WNT3A: variants seen among roughly 807,000 people sequenced by gnomAD.
WNT3A encodes the protein Wnt family member 3A.
A neutral mutation model predicts 37.0 loss-of-function variants in WNT3A; 17 were observed. The ratio of observed to expected loss-of-function variants is 0.46; its 90% CI spans 0.31 to 0.69. The LOEUF (loss-of-function observed/expected upper bound fraction) is 0.69, where lower values mean the gene tolerates loss of function less well. Ranked by LOEUF, WNT3A falls within the 30% of genes least tolerant of loss-of-function variation. The pLI is 0.05. For synonymous variants in WNT3A, 187 were observed against 211.0 expected, an observed-to-expected ratio of 0.89 and a Z score of 0.99; for missense variants, 411 against 510.2, an observed-to-expected ratio of 0.81 and a Z score of 1.87.
chr1:228,032,948 T>C lies in WNT3A; in HGVS notation c.313+10040T>C, dbSNP rs138562863. On this transcript the variant is annotated intron_variant, in intron 2 of 3. Coordinates refer to ENST00000284523, the MANE Select transcript of WNT3A (RefSeq NM_033131.4). ...TCTAAGGATGTTGAGCATCTTTTCA[T>C]GTGCTCATTGGCCATTTGCCTCTCT... Among the ~76,000 whole-genome samples the C allele has an allele frequency of 2.3e-4, 35 of 152,356 alleles. No homozygotes were observed. The East Asian group carries it at 6.5e-3, about 29-fold the overall frequency.
intron 1 of WNT3A, among the ~76,000 whole-genome samples, chr1:228,010,729 T>C (rs2030345457): frequency 6.6e-6 from 1 of 152,228 alleles, no homozygotes; most frequent in African/African-American, 2.4e-5. Context: ...GTGTCCAGCC[T>C]TTTGCCTGCC....
At chr1:228,011,861 T>A (rs1044090231) in intron 1 of WNT3A, among the ~76,000 whole-genome samples, 2 of 151,958 alleles carry the variant, frequency 1.3e-5, no homozygotes, top group African/African-American at 4.8e-5. Flanking sequence ...CGGTCAGGAG[T>A]GGCCACACGT....
At position 228,059,216 on chromosome 1, in the gene WNT3A, C is replaced by T; in HGVS notation, c.810C>T (p.Asp270=). Residue 270 remains aspartate (D), a synonymous_variant, in exon 4 of 4, where the codon GAC becomes GAT. Transcript: ENST00000284523. ...YTYFKVPTER[D]LVYYEASPNF... ...ACTTCAAGGTGCCCACGGAGCGCGA[C>T]CTGGTCTACTACGAGGCCTCGCCCA... 6.2e-7 allele frequency: 1 copy of T among 1,611,640 alleles called. No individual in the cohort carries two copies. The highest frequency in any genetic ancestry group is 8.5e-7 in the Non-Finnish European group (1 of 1,179,678).
At position 228,058,421 on chromosome 1, in the gene WNT3A, T is replaced by C. The variant is rs117181951; in HGVS notation, c.580-565T>C. On this transcript the variant is annotated intron_variant, in intron 3 of 3. Coordinates refer to ENST00000284523, the MANE Select transcript of WNT3A (RefSeq NM_033131.4). ...AAGAAGCTGAGTTCTACACTGCCCA[T>C]AGGGGAAACCGTTCGCTCCTCAGCG... 2.6e-3 allele frequency among the ~76,000 whole-genome samples: 390 copies of C among 152,334 alleles called. 8 individuals are homozygous for C. The East Asian group carries it at 0.044, about 17-fold the overall frequency.
At chr1:228,022,323 CT>C (rs1188404940) in intron 1 of WNT3A, among the ~76,000 whole-genome samples, 1 of 152,038 alleles carries the variant, frequency 6.6e-6, no homozygotes, top group East Asian at 1.9e-4. Context: ...TTAGCTGGCT[CT>C]GGTGGTGTGT....
rs1378246119 is a variant in WNT3A at position 228,060,577 on chromosome 1, C to A, written c.*1112C>A. On this transcript the variant is annotated 3_prime_UTR_variant, in exon 4 of 4. Transcript: ENST00000284523. ...AAAGAGGCCCGCCCTGCCCGGGCTC[C>A]CACACCGTCAGGTACTCCTGCCAGG... 2 of 255,610 alleles carry A rather than the reference C, an allele frequency of 7.8e-6. No individual in the cohort carries two copies. The highest frequency in any genetic ancestry group is 1.6e-5 in the Non-Finnish European group (2 of 125,520). The allele number at this position is 255,610 out of a possible 1,614,324, so 15.8% of individuals were successfully genotyped here. A position where few individuals can be genotyped will look rare whatever the true frequency, so the allele number is the denominator to read the frequency against.
At chr1:228,036,495 C>A (rs1394243943) in intron 2 of WNT3A, among the ~76,000 whole-genome samples, 1 of 152,176 alleles carries the variant, frequency 6.6e-6, no homozygotes, top group Non-Finnish European at 1.5e-5. Context: ...GGACTGGGGC[C>A]ACCAGACTGA....
intron 1 of WNT3A, 108 bp from the exon 2 acceptor site, chr1:228,022,559 G>C (rs542904144): frequency 2.9e-6 from 4 of 1,356,544 alleles, no homozygotes; most frequent in Admixed American, 2.4e-5. Flanking sequence ...TGGAAGCTGC[G>C]TCTCGCCCCC....
intron 2 of WNT3A, among the ~76,000 whole-genome samples, chr1:228,027,688 T>C (rs1199493459): frequency 1.3e-5 from 2 of 152,244 alleles, no homozygotes; most frequent in African/African-American, 4.8e-5. Context: ...TTGTCAAATG[T>C]ATGCTTTGTG....
rs1178988623 is a variant in WNT3A, at chr1:228,031,471, C to T, written c.313+8563C>T. On this transcript the variant is annotated intron_variant, in intron 2 of 3. Coordinates refer to ENST00000284523, the MANE Select transcript of WNT3A (RefSeq NM_033131.4). The surrounding 1 kb of genome is among the most constrained non-coding windows in gnomAD (Gnocchi z 4.8). ...CAGGTCCCAGGGCCGTGCAGCTCATCGAGCGTGTCCAAGGGTGTGTGTGGC... is the reference window on the plus strand; with the variant it reads ...CAGGTCCCAGGGCCGTGCAGCTCATTGAGCGTGTCCAAGGGTGTGTGTGGC... Among the ~76,000 whole-genome samples, 5 of 152,198 alleles carry T rather than the reference C, an allele frequency of 3.3e-5. No individual in the cohort carries two copies. Among genetic ancestry groups the T allele is most frequent in the African/African-American group, 9.6e-5 (4 of 41,520 alleles).
chr1:228,059,684 A>C lies in WNT3A; in HGVS notation c.*219A>C. ...CTCTCTGGTGGCTGGGCTGCTCCTG[A>C]ATGAGGCGGAGCTCCAGGATGGGGA... On this transcript the variant is annotated 3_prime_UTR_variant, in exon 4 of 4. Coordinates refer to ENST00000284523, the MANE Select transcript of WNT3A (RefSeq NM_033131.4). The C allele has an allele frequency of 7.4e-7, 1 of 1,344,562 alleles. No individual in the cohort carries two copies. The highest frequency in any genetic ancestry group is 9.5e-7 in the Non-Finnish European group (1 of 1,055,284). The allele number at this position is 1,344,562 out of a possible 1,614,324, so 83.3% of individuals were successfully genotyped here. A position where few individuals can be genotyped will look rare whatever the true frequency, so the allele number is the denominator to read the frequency against.
chr1:228,007,960 C>G lies in WNT3A; in HGVS notation c.71+761C>G, dbSNP rs1482077288. On this transcript the variant is annotated intron_variant, in intron 1 of 3. Coordinates refer to ENST00000284523, the MANE Select transcript of WNT3A (RefSeq NM_033131.4). This position sits in a 1 kb window ranked among gnomAD's most constrained non-coding sequence, Gnocchi z 6.0. The stretch of plus-strand genomic sequence containing the variant: ...TGCGCCCTCCACACCAGAAAAGGCG[C>G]GTTCCGTGAGACCCTCCCCAGCCTG... 1.3e-5 allele frequency among the ~76,000 whole-genome samples: 2 copies of G among 152,206 alleles called. No homozygotes were observed. Among genetic ancestry groups the G allele is most frequent in the East Asian group, 1.9e-4 (1 of 5,176 alleles).
chr1:228,017,818 T>C (rs1332288134), intron 1 of WNT3A, among the ~76,000 whole-genome samples: 6 of 152,258 alleles, frequency 3.9e-5, no homozygotes, highest in Non-Finnish European at 7.3e-5. Flanking sequence ...GGTGGCAGCC[T>C]GGCCTTCAGA....
chr1:228,023,151 C>T (rs1035319374), intron 2 of WNT3A, among the ~76,000 whole-genome samples: 1 of 152,248 alleles, frequency 6.6e-6, no homozygotes, highest in African/African-American at 2.4e-5. Context: ...TCTAAGGTGA[C>T]TCCAACCATG....
At chr1:228,019,144 T>C (rs1033226558) in intron 1 of WNT3A, among the ~76,000 whole-genome samples, 1 of 152,180 alleles carries the variant, frequency 6.6e-6, no homozygotes, top group Non-Finnish European at 1.5e-5. Flanking sequence ...ACTGGCTGAC[T>C]CAGCACCCTG....
rs1252931216 is a variant in WNT3A at position 228,031,105 on chromosome 1, G to GTGTTCTTCAGGCGTGTTCTTCA, written c.313+8197_313+8198insTGTTCTTCAGGCGTGTTCTTCA. On this transcript the variant is annotated intron_variant, in intron 2 of 3. Transcript: ENST00000284523. This position sits in a 1 kb window ranked among gnomAD's most constrained non-coding sequence, Gnocchi z 4.8. ...ATGGCCACGCCCCAGCCCTCATCACGGGCCTGTGTTCTTCAGGCGTGGGGA... is the reference window on the plus strand; with the variant it reads ...ATGGCCACGCCCCAGCCCTCATCACGTGTTCTTCAGGCGTGTTCTTCAGGCCTGTGTTCTTCAGGCGTGGGGA... 7.9e-5 allele frequency among the ~76,000 whole-genome samples: 12 copies of GTGTTCTTCAGGCGTGTTCTTCA among 152,328 alleles called. No individual in the cohort carries two copies. In the East Asian group the frequency reaches 2.1e-3, roughly 27 times the overall value.
chr1:228,059,828 C>G lies in WNT3A; in HGVS notation c.*363C>G, dbSNP rs1571819815. The G allele has an allele frequency of 9.2e-7, 1 of 1,083,984 alleles. No homozygotes were observed. The highest frequency in any genetic ancestry group is 6.9e-5 in the East Asian group (1 of 14,402). 67.1% of individuals were successfully genotyped at this position (1,083,984 alleles called of 1,614,324 possible). On this transcript the variant is annotated 3_prime_UTR_variant, in exon 4 of 4. Transcript: ENST00000284523. ...CTTCTCCTGCGGGGGCGAGGCCCCT[C>G]CCAGTAAGGGCGTGGCTCTGGGTGG...
Position 228,059,276 on chromosome 1 carries a change from C to A in WNT3A, c.870C>A (p.Phe290Leu). Residue 290 changes from phenylalanine to leucine, a missense_variant, in exon 4 of 4, where the codon TTC (phenylalanine) becomes TTA (leucine). Coordinates refer to ENST00000284523, the MANE Select transcript of WNT3A (RefSeq NM_033131.4). The part of the protein sequence containing the change: ...FCEPNPETGS[F>L]GTRDRTCNVS... ...AGCCCAACCCTGAGACGGGCTCCTT[C>A]GGCACGCGCGACCGCACCTGCAACG... 6.3e-7 allele frequency: 1 copy of A among 1,597,084 alleles called. No individual in the cohort carries two copies.
intron 2 of WNT3A, among the ~76,000 whole-genome samples, chr1:228,048,302 G>A (rs1050977848): frequency 5.9e-5 from 9 of 152,202 alleles, no homozygotes; most frequent in African/African-American, 2.2e-4. Context: ...GGAGGCTCAG[G>A]ACTCTCCCAC....
Sources: gnomAD v4.1 joint callset for allele counts (sites outside exome capture counted in the v4.1 genomes callset) on GRCh38, gnomAD v4.1.1 for gene constraint, Gnocchi (gnomAD v3.1) non-coding constraint, MANE v1.5 for transcripts, NCBI Gene and HGNC (gene_info 2026-07-23, HGNC 2026-07-21) for gene names.